The following ATXN7L1 variants were observed in gnomAD, a reference collection of about 807,000 sequenced individuals.
The protein encoded by ATXN7L1 is ataxin-7-like protein 1.
ATXN7L1 carries 15 observed loss-of-function variants against 70.8 expected under a neutral mutation model. The ratio of observed to expected loss-of-function variants is 0.21; its 90% CI spans 0.14 to 0.33. The LOEUF is 0.33. Among genes scored for constraint, ATXN7L1 ranks in the 10% least tolerant of loss-of-function variants. ATXN7L1 has a pLI of 1.00. For synonymous variants in ATXN7L1, 440 were observed against 445.1 expected (o/e 0.99, Z 0.14); for missense variants, 975 against 1,097.1 (o/e 0.89, Z 1.57).
intron 3 of ATXN7L1, among the ~76,000 whole-genome samples, chr7:105,686,168 A>G (rs1270811539): frequency 1.3e-5 from 2 of 152,206 alleles, no homozygotes; most frequent in African/African-American, 4.8e-5. Flanking sequence ...TCTGACTTAC[A>G]ATGGGATTAT....
At chr7:105,763,155 G>A (rs995041637) in intron 3 of ATXN7L1, among the ~76,000 whole-genome samples, 3 of 152,154 alleles carry the variant, frequency 2.0e-5, no homozygotes, top group African/African-American at 4.8e-5. Context: ...TTTGTTATGC[G>A]GCAACAGGTT....
chr7:105,623,953 C>G, intron 8 of ATXN7L1, 122 bp downstream of exon 8: 1 of 924,224 alleles, frequency 1.1e-6, no homozygotes, highest in South Asian at 5.1e-5. Flanking sequence ...CATGGTAAGC[C>G]TTTTTGTAAA....
intron 2 of ATXN7L1, among the ~76,000 whole-genome samples, chr7:105,789,932 G>A (rs933220110): frequency 1.3e-5 from 2 of 151,768 alleles, no homozygotes; most frequent in South Asian, 2.1e-4. Flanking sequence ...ACCAATTGAC[G>A]AGTGGATAAA....
At chr7:105,772,236 G>C (rs1253497159) in intron 3 of ATXN7L1, among the ~76,000 whole-genome samples, 1 of 151,934 alleles carries the variant, frequency 6.6e-6, no homozygotes, top group African/African-American at 2.4e-5. Flanking sequence ...ACCACACCTG[G>C]CTTATTTTTG....
At chr7:105,675,818 A>G (rs1037692603) in intron 3 of ATXN7L1, among the ~76,000 whole-genome samples, 9 of 152,194 alleles carry the variant, frequency 5.9e-5, no homozygotes, top group East Asian at 3.8e-4. Flanking sequence ...GTAGGTGCCA[A>G]TACAAATGCA....
chr7:105,789,471 G>C (rs1314942770), intron 2 of ATXN7L1, among the ~76,000 whole-genome samples: 1 of 152,192 alleles, frequency 6.6e-6, no homozygotes, highest in Admixed American at 6.5e-5. Flanking sequence ...GTGTGCGGCA[G>C]GTGGCCCTAA....
intron 7 of ATXN7L1, among the ~76,000 whole-genome samples, chr7:105,629,899 C>A (rs149466748): frequency 6.6e-6 from 1 of 152,048 alleles, no homozygotes. Flanking sequence ...CTCACTGCAA[C>A]CTCCACCTCC....
intron 3 of ATXN7L1, among the ~76,000 whole-genome samples, chr7:105,781,089 A>C (rs1467611182): frequency 6.6e-6 from 1 of 152,190 alleles, no homozygotes; most frequent in African/African-American, 2.4e-5. Flanking sequence ...ATTGCTATCC[A>C]GTAGGTAGAG....
chr7:105,610,599 C>G lies in ATXN7L1; in HGVS notation c.2477G>C (p.Gly826Ala). 1 of 1,548,356 alleles carries G rather than the reference C, an allele frequency of 6.5e-7. No homozygotes were observed. Among genetic ancestry groups the G allele is most frequent in the Non-Finnish European group, 8.7e-7 (1 of 1,145,038 alleles). The change falls in exon 11 of 12, where the codon GGG (glycine) becomes GCG (alanine). Residue 826 changes from glycine (G) to alanine (A), a missense_variant. Gly to Ala is a moderately conservative substitution (Grantham distance 60). Around this residue, in one of 5 missense-constraint regions of ATXN7L1, gnomAD observed 635 missense variants for 699.4 expected, o/e 0.91. Transcript: ENST00000419735. ...TGACAAAGCTAGGCTGCTATTTTTC[C>G]CAACCTGAAAGACACCATTGAAGCC... ...PVNSTSSRQV[G>A]KNSSLALSQS... is the part of the protein sequence containing the mutation.
At chr7:105,702,759 C>G (rs1792621460) in intron 3 of ATXN7L1, among the ~76,000 whole-genome samples, 2 of 151,980 alleles carry the variant, frequency 1.3e-5, no homozygotes, top group Non-Finnish European at 2.9e-5. Context: ...GCAGGCGGAT[C>G]ACCCGAGGTC....
intron 4 of ATXN7L1, among the ~76,000 whole-genome samples, chr7:105,646,263 T>C (rs1799006376): frequency 6.6e-6 from 1 of 152,054 alleles, no homozygotes; most frequent in African/African-American, 2.4e-5. Flanking sequence ...TGAGCTAGGA[T>C]CATGCTATTG....
intron 2 of ATXN7L1, among the ~76,000 whole-genome samples, chr7:105,811,873 C>T (rs1333829733): frequency 6.6e-6 from 1 of 152,198 alleles, no homozygotes; most frequent in Non-Finnish European, 1.5e-5. Flanking sequence ...TCCCTGCTGA[C>T]CTACCTGCAG....
intron 2 of ATXN7L1, among the ~76,000 whole-genome samples, chr7:105,828,067 T>G (rs1040735167): frequency 2.0e-5 from 3 of 152,102 alleles, no homozygotes; most frequent in Admixed American, 2.0e-4. Flanking sequence ...ATCAGAATTT[T>G]TATCCCTATT....
chr7:105,629,249 G>A (rs938124117), intron 7 of ATXN7L1, among the ~76,000 whole-genome samples: 2 of 152,046 alleles, frequency 1.3e-5, no homozygotes, highest in African/African-American at 4.8e-5. Context: ...GTAACTGAAA[G>A]TTGTCTAGTA....
intron 2 of ATXN7L1, among the ~76,000 whole-genome samples, chr7:105,792,518 C>T (rs1349651796): frequency 6.6e-6 from 1 of 152,226 alleles, no homozygotes; most frequent in Non-Finnish European, 1.5e-5. Flanking sequence ...GAGAGGAGAA[C>T]TAATGACAGG....
intron 2 of ATXN7L1, among the ~76,000 whole-genome samples, chr7:105,850,623 C>A (rs1814734243): frequency 6.6e-6 from 1 of 152,246 alleles, no homozygotes. Context: ...GATCCCTGTG[C>A]CTCCTGAAGA....
At chr7:105,833,804 G>A (rs1436950087) in intron 2 of ATXN7L1, among the ~76,000 whole-genome samples, 2 of 152,152 alleles carry the variant, frequency 1.3e-5, no homozygotes, top group Non-Finnish European at 2.9e-5. Context: ...ATGCATTATT[G>A]GATGAAGAAG....
chr7:105,703,838 T>C (rs1381397794), intron 3 of ATXN7L1, among the ~76,000 whole-genome samples: 1 of 152,186 alleles, frequency 6.6e-6, no homozygotes, highest in African/African-American at 2.4e-5. Flanking sequence ...TCAGGTGTGG[T>C]TGGAAAACCT....
chr7:105,635,477 T>C (rs533875870), intron 7 of ATXN7L1, among the ~76,000 whole-genome samples: 2 of 152,342 alleles, frequency 1.3e-5, no homozygotes, highest in South Asian at 4.1e-4. Flanking sequence ...CATGGACTGC[T>C]TCTTATGTGC....
Sources: gnomAD v4.1 joint callset for allele counts (sites outside exome capture counted in the v4.1 genomes callset) on GRCh38, gnomAD v4.1.1 for gene constraint, gnomAD v4.1.1 regional missense constraint, MANE v1.5 for transcripts, NCBI Gene and HGNC (gene_info 2026-07-23, HGNC 2026-07-21) for gene names.